TENM2: variants seen among roughly 807,000 people sequenced by gnomAD.
TENM2 encodes teneurin transmembrane protein 2.
In TENM2, 52 loss-of-function variants were observed where a neutral mutation model predicts 245.2. The ratio of observed to expected loss-of-function variants is 0.21; its 90% CI spans 0.17 to 0.27. The LOEUF (loss-of-function observed/expected upper bound fraction) is 0.27, where lower values mean the gene tolerates loss of function less well. TENM2 is among the 10% of genes least tolerant of loss of function. The pLI is 1.00. For missense variants in TENM2, 3,046 were observed against 3,666.8 expected, an observed-to-expected ratio of 0.83 and a Z score of 4.37; for synonymous variants, 1,363 against 1,438.9, an observed-to-expected ratio of 0.95 and a Z score of 1.19.
the TENM2 span, among the ~76,000 whole-genome samples, chr5:167,020,917 G>A: frequency 6.6e-6 from 1 of 152,228 alleles, no homozygotes; most frequent in Non-Finnish European, 1.5e-5. Flanking sequence ...GCCGAGGCAG[G>A]TGGATTGCCT....
At chr5:167,561,198 C>A (rs751888860) in intron 2 of TENM2, among the ~76,000 whole-genome samples, 6 of 152,048 alleles carry the variant, frequency 3.9e-5, no homozygotes, top group Non-Finnish European at 7.4e-5. Context: ...AGAATCACAC[C>A]CTGGAAAACC....
chr5:167,805,580 A>G (rs574560641), intron 2 of TENM2, among the ~76,000 whole-genome samples: 89 of 152,324 alleles, frequency 5.8e-4, no homozygotes, highest in Middle Eastern at 6.8e-3. Flanking sequence ...GAGGTCAACC[A>G]TGATGAAACT....
intron 2 of TENM2, among the ~76,000 whole-genome samples, chr5:167,672,679 G>C (rs1447101103): frequency 6.6e-6 from 1 of 152,032 alleles, no homozygotes; most frequent in Non-Finnish European, 1.5e-5. Flanking sequence ...ATCAAACTGG[G>C]TGTTAACGCG....
the TENM2 span, among the ~76,000 whole-genome samples, chr5:166,981,533 G>C: frequency 1.2e-4 from 18 of 152,126 alleles, no homozygotes; most frequent in African/African-American, 4.1e-4. Context: ...CCCCATGCTG[G>C]GCAGCTGTAT....
chr5:167,387,714 G>A (rs1317985302), intron 2 of TENM2, among the ~76,000 whole-genome samples: 1 of 152,070 alleles, frequency 6.6e-6, no homozygotes, highest in Non-Finnish European at 1.5e-5. Context: ...TTTGCTGAGA[G>A]TTTTAATCAT....
chr5:167,364,372 C>A (rs960109447), intron 1 of TENM2, among the ~76,000 whole-genome samples: 1 of 151,860 alleles, frequency 6.6e-6, no homozygotes, highest in African/African-American at 2.4e-5. Context: ...TAACTGACAA[C>A]AATTAGGCAA....
chr5:168,022,503 G>A (rs911973095), intron 5 of TENM2, among the ~76,000 whole-genome samples: 5 of 152,210 alleles, frequency 3.3e-5, no homozygotes, highest in Non-Finnish European at 5.9e-5. Context: ...CGCTGCATCC[G>A]GCTTTTTCTC....
At chr5:167,395,578 G>T (rs1762006330) in intron 2 of TENM2, among the ~76,000 whole-genome samples, 1 of 152,052 alleles carries the variant, frequency 6.6e-6, no homozygotes, top group South Asian at 2.1e-4. Context: ...TCGTGTCCTT[G>T]ATCTTAGAAG....
At chr5:167,898,855 A>G (rs1775456293) in intron 3 of TENM2, among the ~76,000 whole-genome samples, 1 of 152,182 alleles carries the variant, frequency 6.6e-6, no homozygotes, top group South Asian at 2.1e-4. Context: ...TAGGAAAAGC[A>G]AGAATGGGGA....
intron 2 of TENM2, among the ~76,000 whole-genome samples, chr5:167,390,308 G>C (rs1200067704): frequency 6.6e-6 from 1 of 152,132 alleles, no homozygotes; most frequent in African/African-American, 2.4e-5. Context: ...GCTATTGTTT[G>C]GAATGCAGGA....
At chr5:167,325,920 A>G (rs1757047915) in intron 1 of TENM2, among the ~76,000 whole-genome samples, 1 of 152,164 alleles carries the variant, frequency 6.6e-6, no homozygotes, top group Non-Finnish European at 1.5e-5. Context: ...TTAAGGAAAA[A>G]ATAAATGGAG....
intron 14 of TENM2, 45 bp from the exon 17 acceptor site, chr5:168,195,131 T>C: frequency 6.4e-7 from 1 of 1,556,826 alleles, no homozygotes; most frequent in Admixed American, 1.9e-5. Flanking sequence ...ATTGTCTCTG[T>C]TCTCCTGCAT....
At chr5:167,344,282 G>GCACACACACA (rs3067278) in intron 1 of TENM2, among the ~76,000 whole-genome samples, 1 of 134,536 alleles carries the variant, frequency 7.4e-6, no homozygotes, top group Non-Finnish European at 1.6e-5. Context: ...GCACGTGCAC[G>GCACACACACA]CACACACACA....
At chr5:167,561,175 T>C (rs1773563875) in intron 2 of TENM2, among the ~76,000 whole-genome samples, 1 of 152,206 alleles carries the variant, frequency 6.6e-6, no homozygotes. Flanking sequence ...AGGCAAATCA[T>C]TTCCTTTGGT....
At chr5:167,491,678 T>C (rs1768435266) in intron 2 of TENM2, among the ~76,000 whole-genome samples, 1 of 152,160 alleles carries the variant, frequency 6.6e-6, no homozygotes, top group East Asian at 1.9e-4. Flanking sequence ...ACCTACACTG[T>C]TGTCAAGGAT....
At chr5:168,050,080 G>C (rs142403993) in intron 6 of TENM2, among the ~76,000 whole-genome samples, 1,916 of 152,280 alleles carry the variant, frequency 0.013, 39 homozygotes, top group African/African-American at 0.043. Context: ...TGGGATTACA[G>C]GCATGAGCCA....
chr5:167,061,144 C>T, the TENM2 span, among the ~76,000 whole-genome samples: 22,955 of 152,006 alleles, frequency 0.15, 2,550 homozygotes, highest in East Asian at 0.38. Context: ...CCCCCACACA[C>T]GCACACGAAT....
At chr5:167,718,357 A>G (rs571194785) in intron 2 of TENM2, among the ~76,000 whole-genome samples, 2 of 152,214 alleles carry the variant, frequency 1.3e-5, no homozygotes, top group African/African-American at 4.8e-5. Context: ...GGCCACTCAC[A>G]GAAGAGCTGG....
chr5:167,669,622 C>T (rs772271403), intron 2 of TENM2, among the ~76,000 whole-genome samples: 1 of 151,796 alleles, frequency 6.6e-6, no homozygotes, highest in Non-Finnish European at 1.5e-5. Context: ...TTCCTGTAAA[C>T]AGCAGTGACA....
Sources: allele counts gnomAD v4.1 joint callset (sites outside exome capture counted in the v4.1 genomes callset), GRCh38; gene constraint gnomAD v4.1.1; transcripts MANE v1.5; gene names NCBI Gene and HGNC (gene_info 2026-07-23, HGNC 2026-07-21).